The following CAPZB variants were observed in gnomAD, a reference collection of about 807,000 sequenced individuals.
CAPZB encodes the protein F-actin-capping protein subunit beta.
A neutral mutation model predicts 38.1 loss-of-function variants in CAPZB; 2 were observed. That is an observed-to-expected ratio of 0.05 (90% CI 0.02 to 0.17). The LOEUF (loss-of-function observed/expected upper bound fraction) is 0.17, where lower values mean the gene tolerates loss of function less well. CAPZB is among the 10% of genes least tolerant of loss of function. The pLI, the probability that CAPZB is intolerant of heterozygous loss-of-function variation, is 1.00. For synonymous variants in CAPZB, 107 were observed against 127.4 expected, an observed-to-expected ratio of 0.84 and a Z score of 1.08; for missense variants, 161 against 334.2, an observed-to-expected ratio of 0.48 and a Z score of 4.04.
intron 8 of CAPZB, among the ~76,000 whole-genome samples, chr1:19,340,783 A>G (rs549484147): frequency 6.6e-6 from 1 of 152,306 alleles, no homozygotes; most frequent in East Asian, 1.9e-4. Context: ...TTCTTTAATC[A>G]TTTTGTCAAA....
rs1427833445 is a variant in CAPZB, at chr1:19,435,836, C to T, written c.4-16086G>A. ...GCTGGGCCACCTGTGCTAAGAACCA[C>T]TGCCATCTCTTTGTTTTAAAGTCTC... On this transcript the variant is annotated intron_variant, in intron 1 of 8. Transcript: ENST00000264202. Among the ~76,000 whole-genome samples the T allele has an allele frequency of 2.0e-5, 3 of 152,226 alleles. No homozygotes were observed. The East Asian group carries it at 5.8e-4, about 29-fold the overall frequency.
At chr1:19,339,744 G>A (rs1347245875) in intron 8 of CAPZB, 127 bp from the exon 9 acceptor site, 1 of 762,816 alleles carries the variant, frequency 1.3e-6, no homozygotes, top group Non-Finnish European at 2.4e-6. Context: ...GTGAGGCTCT[G>A]GGTCACTGGG....
intron 1 of CAPZB, among the ~76,000 whole-genome samples, chr1:19,462,712 T>G (rs899542747): frequency 6.6e-6 from 1 of 152,204 alleles, no homozygotes; most frequent in Non-Finnish European, 1.5e-5. Flanking sequence ...TGAATGGCAT[T>G]CCCTCTGGCT....
At chr1:19,340,434 A>G (rs2268812) in intron 8 of CAPZB, among the ~76,000 whole-genome samples, 39,864 of 152,224 alleles carry the variant, frequency 0.26, 5,304 homozygotes, top group Non-Finnish European at 0.27. Flanking sequence ...ACGCTCATCA[A>G]CAAAGCCAGA....
intron 1 of CAPZB, among the ~76,000 whole-genome samples, chr1:19,457,779 G>T (rs563738297): frequency 6.6e-6 from 1 of 152,200 alleles, no homozygotes; most frequent in East Asian, 1.9e-4. Context: ...ACTGTGGCAC[G>T]GTAACGTTAC....
intron 4 of CAPZB, among the ~76,000 whole-genome samples, chr1:19,364,877 C>CG (rs1424019681): frequency 6.6e-6 from 1 of 151,302 alleles, no homozygotes; most frequent in South Asian, 2.1e-4. Context: ...GACAGGGTCT[C>CG]GTTCTCTTGC....
In CAPZB at chr1:19,440,787, G is replaced by A. The variant is rs551716093; in HGVS notation, c.4-21037C>T. On this transcript the variant is annotated intron_variant, in intron 1 of 8. Coordinates refer to ENST00000264202, the MANE Select transcript of CAPZB (RefSeq NM_004930.5). ...AAAAGTTATAGCTGCTAGGCCGGGC[G>A]CGGTGGCTCACGCCTGTAATCCCAG... is the stretch of plus-strand genomic sequence containing the variant. 1.1e-4 allele frequency among the ~76,000 whole-genome samples: 17 copies of A among 152,328 alleles called. No homozygotes were observed. In the East Asian group the frequency reaches 2.9e-3, roughly 26 times the overall value.
chr1:19,400,706 CCAA>C (rs981865809), intron 2 of CAPZB, among the ~76,000 whole-genome samples: 4 of 152,132 alleles, frequency 2.6e-5, no homozygotes, highest in Non-Finnish European at 1.5e-5. Context: ...TCTCCGGCTT[CCAA>C]CAACAACAGG....
chr1:19,419,824 T>C, intron 1 of CAPZB, 74 bp from the exon 2 acceptor site: 2 of 920,772 alleles, frequency 2.2e-6, no homozygotes. Flanking sequence ...TTAAAAAGCA[T>C]GCTTGCCCAA....
At chr1:19,480,255 T>C (rs1463501397) in intron 1 of CAPZB, among the ~76,000 whole-genome samples, 1 of 152,156 alleles carries the variant, frequency 6.6e-6, no homozygotes, top group African/African-American at 2.4e-5. Flanking sequence ...GAATAAGACA[T>C]GCAACAACCA....
intron 1 of CAPZB, chr1:19,448,870 A>G: frequency 6.2e-7 from 1 of 1,612,894 alleles, no homozygotes; most frequent in Non-Finnish European, 8.5e-7. Context: ...TGGGCTGGCC[A>G]AGGCCTGGGC....
chr1:19,419,792 GA>G (rs1323783412), intron 1 of CAPZB, 42 bp from the exon 2 acceptor site: 2 of 1,170,952 alleles, frequency 1.7e-6, no homozygotes, highest in Admixed American at 2.1e-5. Context: ...ATTTTTGCCA[GA>G]AGGAATATCA....
At chr1:19,469,009 C>T (rs1461717542) in intron 1 of CAPZB, among the ~76,000 whole-genome samples, 1 of 152,214 alleles carries the variant, frequency 6.6e-6, no homozygotes, top group East Asian at 1.9e-4. Flanking sequence ...TGGCTCCCAC[C>T]AATGGTCTCC....
chr1:19,471,602 C>T (rs902999511), intron 1 of CAPZB, among the ~76,000 whole-genome samples: 10 of 152,104 alleles, frequency 6.6e-5, no homozygotes, highest in Admixed American at 2.0e-4. Context: ...CTGTGGCTCA[C>T]ACCTGTAATC....
intron 2 of CAPZB, among the ~76,000 whole-genome samples, chr1:19,404,721 A>T (rs1386835562): frequency 4.6e-5 from 7 of 152,114 alleles, no homozygotes; most frequent in Non-Finnish European, 8.8e-5. Flanking sequence ...GCTTTTGACA[A>T]GGGGCACGCA....
At chr1:19,393,145 C>T (rs1405477457) in intron 2 of CAPZB, among the ~76,000 whole-genome samples, 2 of 152,262 alleles carry the variant, frequency 1.3e-5, no homozygotes, top group African/African-American at 4.8e-5. Context: ...AGCACAGCTT[C>T]ATGTAGCCGA....
intron 2 of CAPZB, among the ~76,000 whole-genome samples, chr1:19,415,213 TC>T (rs760686754): frequency 1.9e-4 from 29 of 152,346 alleles, no homozygotes; most frequent in Middle Eastern, 3.4e-3. Flanking sequence ...TGGAGACTTT[TC>T]TTGAAAACAA....
intron 1 of CAPZB, among the ~76,000 whole-genome samples, chr1:19,432,054 AAAAAAAAAAAAG>A (rs1558256144): frequency 2.3e-5 from 2 of 88,724 alleles, no homozygotes; most frequent in African/African-American, 3.3e-5. Flanking sequence ...AAAAAAAAAA[AAAAAAAAAAAAG>A]AAAAAAAAAG....
At chr1:19,381,724 A>C (rs1570056049) in intron 3 of CAPZB, among the ~76,000 whole-genome samples, 2 of 116,216 alleles carry the variant, frequency 1.7e-5, no homozygotes, top group Admixed American at 1.2e-4. Context: ...ACAGAGTCTC[A>C]CTCTGTTGCC....
Sources: allele counts gnomAD v4.1 joint callset (sites outside exome capture counted in the v4.1 genomes callset), GRCh38; gene constraint gnomAD v4.1.1; transcripts MANE v1.5; gene names NCBI Gene and HGNC (gene_info 2026-07-23, HGNC 2026-07-21).